Variants in IDE observed in about 807,000 individuals in gnomAD.
IDE encodes the protein insulin degrading enzyme.
In IDE, 58 loss-of-function variants were observed where a neutral mutation model predicts 133.2. That is an observed-to-expected ratio of 0.44 (90% CI 0.35 to 0.54). The LOEUF is 0.54. Among genes scored for constraint, IDE ranks in the 20% least tolerant of loss-of-function variants. IDE has a pLI of 0.00. For synonymous variants in IDE, 396 were observed against 421.3 expected (o/e 0.94, Z 0.73); for missense variants, 981 against 1,234.0 (o/e 0.79, Z 3.07).
At chr10:92,474,174 T>C (rs1846129613) in intron 17 of IDE, among the ~76,000 whole-genome samples, 1 of 152,084 alleles carries the variant, frequency 6.6e-6, no homozygotes, top group South Asian at 2.1e-4. Flanking sequence ...AGCAATCCTC[T>C]CAACCACAGC....
intron 11 of IDE, among the ~76,000 whole-genome samples, chr10:92,492,565 G>T (rs1847420392): frequency 6.6e-6 from 1 of 152,282 alleles, no homozygotes; most frequent in East Asian, 1.9e-4. Flanking sequence ...TGTAAAGTCA[G>T]TCCTGCTATT....
intron 23 of IDE, 70 bp downstream of exon 23, chr10:92,456,289 T>C: frequency 9.9e-7 from 1 of 1,012,694 alleles, no homozygotes; most frequent in Non-Finnish European, 1.6e-6. Flanking sequence ...CTATAAGGCA[T>C]GTAGCTATGA....
intron 19 of IDE, among the ~76,000 whole-genome samples, chr10:92,466,296 C>T (rs1845684000): frequency 6.6e-6 from 1 of 150,992 alleles, no homozygotes; most frequent in African/African-American, 2.4e-5. Context: ...CTCCCTCACC[C>T]ACCTCACATC....
chr10:92,552,587 G>C (rs1348205555), intron 1 of IDE, among the ~76,000 whole-genome samples: 3 of 152,064 alleles, frequency 2.0e-5, no homozygotes, highest in Non-Finnish European at 4.4e-5. Context: ...GCTCAGGTGA[G>C]TTGGCTCACG....
chr10:92,550,930 A>C (rs982045232), intron 1 of IDE, among the ~76,000 whole-genome samples: 5 of 152,158 alleles, frequency 3.3e-5, no homozygotes, highest in African/African-American at 1.2e-4. Flanking sequence ...ATGTAGAAAA[A>C]CTGGAACCTG....
At chr10:92,539,504 G>A (rs1222079093) in intron 1 of IDE, among the ~76,000 whole-genome samples, 1 of 152,078 alleles carries the variant, frequency 6.6e-6, no homozygotes, top group African/African-American at 2.4e-5. Flanking sequence ...GGTGGCTCGC[G>A]CCTGTAATCT....
intron 17 of IDE, among the ~76,000 whole-genome samples, chr10:92,474,175 C>A (rs1846129756): frequency 6.6e-6 from 1 of 152,136 alleles, no homozygotes; most frequent in Non-Finnish European, 1.5e-5. Context: ...GCAATCCTCT[C>A]AACCACAGCC....
At chr10:92,524,893 C>T (rs1285351968) in intron 4 of IDE, among the ~76,000 whole-genome samples, 2 of 151,644 alleles carry the variant, frequency 1.3e-5, no homozygotes, top group Non-Finnish European at 2.9e-5. Context: ...CCAGCCTGGG[C>T]GAAAGAGTGA....
chr10:92,541,585 A>G (rs554665992), intron 1 of IDE, among the ~76,000 whole-genome samples: 2 of 152,326 alleles, frequency 1.3e-5, no homozygotes, highest in East Asian at 3.9e-4. Context: ...ATTACTTTCA[A>G]TTCTAGGGAC....
Position 92,510,168 on chromosome 10 carries a change from A to G in IDE, c.785-6T>C. 2.1e-6 allele frequency: 3 copies of G among 1,396,592 alleles called. No homozygotes were observed. Among genetic ancestry groups the G allele is most frequent in the Non-Finnish European group, 3.0e-6 (3 of 989,882 alleles). The allele number at this position is 1,396,592 out of a possible 1,614,324, so 86.5% of individuals were successfully genotyped here. On this transcript the variant is annotated splice_polypyrimidine_tract_variant and splice_region_variant and intron_variant, in intron 5 of 24. Transcript: ENST00000265986. ...AGTCAAGTCATCTAAAGATTCTACA[A>G]GAAAACAGACAAGGAAAACAGAACT...
chr10:92,532,922 A>G (rs1850022683), intron 3 of IDE, among the ~76,000 whole-genome samples: 1 of 152,236 alleles, frequency 6.6e-6, no homozygotes, highest in Admixed American at 6.5e-5. Flanking sequence ...CTTTAAGTGC[A>G]TAAGAAAATA....
At position 92,468,944 on chromosome 10, in the gene IDE, T is replaced by C; in HGVS notation, c.2255A>G (p.His752Arg). Residue 752 changes from histidine (H) to arginine (R), a missense_variant, in exon 19 of 25, where the codon CAT becomes CGT. Physicochemically the swap from His to Arg is conservative, Grantham distance 29. Transcript: ENST00000265986. ...MQMVEDTLIE[H>R]AHTKPLLPSQ... ...TGGAAGGAGAGGTTTGGTATGAGCA[T>C]GTTCAATGAGGGTGTCTTCAACCAT... The C allele has an allele frequency of 1.9e-6, 3 of 1,613,398 alleles. No individual in the cohort carries two copies. The highest frequency in any genetic ancestry group is 2.5e-6 in the Non-Finnish European group (3 of 1,179,310).
intron 7 of IDE, among the ~76,000 whole-genome samples, chr10:92,508,474 GA>G (rs11286004): frequency 0.29 from 43,350 of 150,760 alleles, 7,713 homozygotes; most frequent in East Asian, 0.67. Flanking sequence ...AGCACTTTAG[GA>G]GGCCAAGATG....
In IDE at chr10:92,535,013, T is replaced by C. The variant is rs769376295; in HGVS notation, c.284-228A>G. Reference sequence around the variant, plus strand: ...TAGTTGGTAACCTCAGGCAGGTTACTTAGTGTCTCTGAACATTAGTTTCCC... The same window carrying C: ...TAGTTGGTAACCTCAGGCAGGTTACCTAGTGTCTCTGAACATTAGTTTCCC... On this transcript the variant is annotated intron_variant, in intron 2 of 24. Transcript: ENST00000265986. Among the ~76,000 whole-genome samples, 271 of 152,188 alleles carry C rather than the reference T, an allele frequency of 1.8e-3. 3 individuals are homozygous for C. Among genetic ancestry groups the C allele is most frequent in the Non-Finnish European group, 5.6e-4 (38 of 68,018 alleles).
chr10:92,531,172 T>A (rs1849903597), intron 4 of IDE, among the ~76,000 whole-genome samples: 1 of 152,222 alleles, frequency 6.6e-6, no homozygotes, highest in Non-Finnish European at 1.5e-5. Flanking sequence ...AAACAAGTAC[T>A]TTTTTAATGA....
intron 12 of IDE, 104 bp downstream of exon 12, chr10:92,490,389 G>A: frequency 2.7e-6 from 2 of 741,554 alleles, no homozygotes; most frequent in South Asian, 3.2e-5. Context: ...ATAACACTAG[G>A]TCATCAGTCT....
chr10:92,543,839 G>A (rs1842416106), intron 1 of IDE, among the ~76,000 whole-genome samples: 1 of 152,202 alleles, frequency 6.6e-6, no homozygotes, highest in Admixed American at 6.5e-5. Flanking sequence ...TTTAGACCTT[G>A]TGCCACAGAG....
chr10:92,497,885 C>T (rs1202729906), intron 11 of IDE: 1 of 160,888 alleles, frequency 6.2e-6, no homozygotes, highest in East Asian at 1.9e-4. Context: ...AAAAGTAAAA[C>T]ATATGCTCCA....
At chr10:92,508,615 C>T (rs996749330) in intron 7 of IDE, 113 bp downstream of exon 7, 1 of 932,490 alleles carries the variant, frequency 1.1e-6, no homozygotes, top group African/African-American at 1.7e-5. Context: ...ACTCACTAAC[C>T]CAAAATGGTC....
Sources: gnomAD v4.1 joint callset for allele counts (sites outside exome capture counted in the v4.1 genomes callset) on GRCh38, gnomAD v4.1.1 for gene constraint, MANE v1.5 for transcripts, NCBI Gene and HGNC (gene_info 2026-07-23, HGNC 2026-07-21) for gene names.